The following KAZN variants were observed in gnomAD, a reference collection of about 807,000 sequenced individuals.
KAZN encodes kazrin.
A neutral mutation model predicts 87.4 loss-of-function variants in KAZN; 40 were observed. The ratio of observed to expected loss-of-function variants is 0.46; its 90% CI spans 0.36 to 0.60. The LOEUF (loss-of-function observed/expected upper bound fraction) is 0.60, where lower values mean the gene tolerates loss of function less well. Among genes scored for constraint, KAZN ranks in the 20% least tolerant of loss-of-function variants. KAZN has a pLI of 0.00. For missense variants in KAZN, 898 were observed against 1,073.9 expected (o/e 0.84, Z 2.29); for synonymous variants, 466 against 458.3 (o/e 1.02, Z -0.22).
At chr1:13,973,885 G>C (rs184776711) in intron 1 of KAZN, among the ~76,000 whole-genome samples, 4 of 152,126 alleles carry the variant, frequency 2.6e-5, no homozygotes, top group Non-Finnish European at 5.9e-5. Context: ...CCCCTGCATC[G>C]GGTGTCCCCA....
chr1:14,793,514 T>C (rs1055417562), intron 1 of KAZN, among the ~76,000 whole-genome samples: 16 of 152,226 alleles, frequency 1.1e-4, no homozygotes, highest in African/African-American at 2.9e-4. Flanking sequence ...TCTCTCCCTG[T>C]ATCTGTTTAC....
chr1:13,893,622 C>G (rs1638920669), exon 1 of KAZN: 1 of 1,549,018 alleles, frequency 6.5e-7, no homozygotes, highest in East Asian at 2.4e-5. Context: ...CTCCAAGGGT[C>G]TGGACGCTGC....
chr1:14,190,625 C>T (rs922389222), intron 2 of KAZN, among the ~76,000 whole-genome samples: 3 of 152,140 alleles, frequency 2.0e-5, no homozygotes, highest in African/African-American at 4.8e-5. Context: ...AGAGACTAGA[C>T]ACCAAGATAC....
chr1:14,144,703 T>A (rs1467738617), intron 1 of KAZN, among the ~76,000 whole-genome samples: 1 of 152,206 alleles, frequency 6.6e-6, no homozygotes, highest in Non-Finnish European at 1.5e-5. Context: ...AGATGGAGCA[T>A]CTGCATCTGG....
Position 14,625,339 on chromosome 1 carries a change from G to GC in KAZN, c.226+26122dup, listed in dbSNP as rs550734142. 4.1e-4 allele frequency among the ~76,000 whole-genome samples: 63 copies of GC among 152,160 alleles called. 3 individuals carry two copies. Among genetic ancestry groups the GC allele is most frequent in the African/African-American group, 9.9e-4 (41 of 41,522 alleles). On this transcript the variant is annotated intron_variant, in intron 1 of 14. Transcript: ENST00000376030. Reference sequence around the variant, plus strand: ...AGATTTAGCCCTGATTAACAGGGTGGCCCCCCTCACACTGCAAAGCCTCGC... The same window carrying GC: ...AGATTTAGCCCTGATTAACAGGGTGGCCCCCCCTCACACTGCAAAGCCTCGC...
At chr1:13,932,719 G>A (rs1640573761) in intron 1 of KAZN, among the ~76,000 whole-genome samples, 1 of 152,186 alleles carries the variant, frequency 6.6e-6, no homozygotes, top group Non-Finnish European at 1.5e-5. Context: ...CAGGCAGTCT[G>A]GCTTGGGCCG....
chr1:14,059,759 GT>G (rs1316622741), intron 1 of KAZN, among the ~76,000 whole-genome samples: 1 of 152,200 alleles, frequency 6.6e-6, no homozygotes, highest in Non-Finnish European at 1.5e-5. Flanking sequence ...CTCAGAAAAG[GT>G]TTGCTACAGG....
In KAZN at chr1:14,514,497, G is replaced by T. The variant is rs184889643; in HGVS notation, c.250-84486G>T. 1.2e-3 allele frequency among the ~76,000 whole-genome samples: 9 copies of T among 7,548 alleles called. 1 individual carries two copies. Among genetic ancestry groups the T allele is most frequent in the Non-Finnish European group, 4.3e-3 (8 of 1,872 alleles). 5.0% of individuals were successfully genotyped at this position (7,548 alleles called of 152,430 possible). A position where few individuals can be genotyped will look rare whatever the true frequency, so the allele number is the denominator to read the frequency against. The stretch of plus-strand genomic sequence containing the variant: ...ATATTTTATATAAATATTTATATAT[G>T]TAAAATATATAATATATGAAATATA... On this transcript the variant is annotated intron_variant, in intron 2 of 16. Coordinates refer to the KAZN transcript ENST00000636203.
chr1:14,240,824 G>A (rs553474753), intron 2 of KAZN, among the ~76,000 whole-genome samples: 22 of 152,370 alleles, frequency 1.4e-4, no homozygotes, highest in Admixed American at 3.9e-4. Context: ...ATTTCAGAAT[G>A]TTCCACTTCT....
intron 2 of KAZN, among the ~76,000 whole-genome samples, chr1:14,462,883 T>C (rs1454088787): frequency 6.6e-6 from 1 of 152,138 alleles, no homozygotes; most frequent in African/African-American, 2.4e-5. Flanking sequence ...GGAGCTATAA[T>C]TCAAGATGAG....
rs66777443 is a variant in KAZN at position 14,940,898 on chromosome 1, C to CTTTTTTTTTTTTTT, written c.227-19768_227-19755dup. 3.3e-4 allele frequency among the ~76,000 whole-genome samples: 18 copies of CTTTTTTTTTTTTTT among 54,410 alleles called. 4 individuals are homozygous for CTTTTTTTTTTTTTT. The highest frequency in any genetic ancestry group is 1.5e-3 in the African/African-American group (18 of 12,030). 35.7% of individuals were successfully genotyped at this position (54,410 alleles called of 152,430 possible). A position where few individuals can be genotyped will look rare whatever the true frequency, so the allele number is the denominator to read the frequency against. ...ACCAGACAGATGTCATTCTACCTTT[C>CTTTTTTTTTTTTTT]TTTTTTTTTTTTTTTTTTTTTTTTT... On this transcript the variant is annotated intron_variant, in intron 1 of 14. Coordinates refer to ENST00000376030, the MANE Select transcript of KAZN (RefSeq NM_201628.3).
At chr1:14,563,703 T>C (rs190550139) in intron 2 of KAZN, among the ~76,000 whole-genome samples, 9 of 151,982 alleles carry the variant, frequency 5.9e-5, no homozygotes, top group Non-Finnish European at 1.0e-4. Context: ...CTCTCACCAC[T>C]CCTCCCCATC....
intron 1 of KAZN, among the ~76,000 whole-genome samples, chr1:14,919,445 G>A (rs191322119): frequency 1.1e-4 from 17 of 152,372 alleles, no homozygotes; most frequent in Middle Eastern, 3.4e-3. Flanking sequence ...CCGAAGTGCT[G>A]GGATTACAGG....
intron 1 of KAZN, among the ~76,000 whole-genome samples, chr1:14,871,281 C>A (rs1187075839): frequency 6.6e-6 from 1 of 152,106 alleles, no homozygotes; most frequent in Non-Finnish European, 1.5e-5. Flanking sequence ...TAGAATGTTC[C>A]ACAGCCTCTT....
intron 2 of KAZN, among the ~76,000 whole-genome samples, chr1:14,472,981 T>C (rs544874121): frequency 1.5e-4 from 23 of 152,258 alleles, no homozygotes; most frequent in African/African-American, 5.5e-4. Flanking sequence ...GTTCCAGAGA[T>C]AAATACACCT....
chr1:14,252,788 AACACAATAAATTTATTCTGC>A (rs1400733242), intron 2 of KAZN, among the ~76,000 whole-genome samples: 3 of 152,208 alleles, frequency 2.0e-5, no homozygotes, highest in Non-Finnish European at 4.4e-5. Context: ...TCAAGGGCCT[AACACAATAAATTTATTCTGC>A]ACTCATCTTA....
Position 13,972,596 on chromosome 1 carries a change from G to A in KAZN, c.91+78840G>A, listed in dbSNP as rs777646965. Among the ~76,000 whole-genome samples the A allele has an allele frequency of 4.6e-5, 7 of 152,184 alleles. 1 individual carries two copies. The highest frequency in any genetic ancestry group is 2.0e-4 in the Admixed American group (3 of 15,286). Reference sequence around the variant, plus strand: ...AACAAGCTGCTGGTGAGCCCGGAAGGAAGACCCCCAGCCTTTTACTCTGAT... The same window carrying A: ...AACAAGCTGCTGGTGAGCCCGGAAGAAAGACCCCCAGCCTTTTACTCTGAT... On this transcript the variant is annotated intron_variant, in intron 1 of 16. Transcript: ENST00000636203.
At position 14,922,845 on chromosome 1, in the gene KAZN, C is replaced by A. The variant is rs536473377; in HGVS notation, c.227-37839C>A. 6.0e-5 allele frequency among the ~76,000 whole-genome samples: 9 copies of A among 148,906 alleles called. No homozygotes were observed. The South Asian group carries it at 1.7e-3, about 28-fold the overall frequency. On this transcript the variant is annotated intron_variant, in intron 1 of 14. Transcript: ENST00000376030. ...GCTAGACAGGGCAGGGGTTCTAAGG[C>A]AGCCTCCGCAGCTGGGCCAGTTTCC... is the stretch of plus-strand genomic sequence containing the variant.
chr1:14,860,563 T>C (rs1197916082), intron 1 of KAZN, among the ~76,000 whole-genome samples: 2 of 152,218 alleles, frequency 1.3e-5, no homozygotes, highest in Admixed American at 6.5e-5. Flanking sequence ...ACCTATAGAC[T>C]TTCTTCTGGA....
Sources: allele counts gnomAD v4.1 joint callset (sites outside exome capture counted in the v4.1 genomes callset), GRCh38; gene constraint gnomAD v4.1.1; transcripts MANE v1.5; gene names NCBI Gene and HGNC (gene_info 2026-07-23, HGNC 2026-07-21).